Variants in LMTK2 observed in about 807,000 individuals in gnomAD.
The protein encoded by LMTK2 is lemur tail kinase 2.
Under a neutral mutation model 127.5 loss-of-function variants are expected in LMTK2, and 37 were observed. The observed-to-expected ratio is 0.29, with a 90% confidence interval of 0.22 to 0.38. LMTK2 has a LOEUF of 0.38. Among genes scored for constraint, LMTK2 ranks in the 10% least tolerant of loss-of-function variants. The pLI is 1.00. For missense variants in LMTK2, 1,694 were observed against 1,920.3 expected (o/e 0.88, Z 2.20); for synonymous variants, 819 against 810.1 (o/e 1.01, Z -0.19).
chr7:98,137,234 T>G lies in LMTK2; in HGVS notation c.104-81T>G, dbSNP rs770102289. On this transcript the variant is annotated intron_variant, in intron 1 of 13. Coordinates refer to ENST00000297293, the MANE Select transcript of LMTK2 (RefSeq NM_014916.4). ...ATTAACCCTTACACCCATTTGTATG[T>G]AGAGGAAAATATATTGATTCACTAA... The G allele has an allele frequency of 6.1e-4, 822 of 1,351,938 alleles. 3 individuals are homozygous for G. Among genetic ancestry groups the G allele is most frequent in the Middle Eastern group, 9.4e-4 (4 of 4,268 alleles). 83.7% of individuals were successfully genotyped at this position (1,351,938 alleles called of 1,614,324 possible). A position where few individuals can be genotyped will look rare whatever the true frequency, so the allele number is the denominator to read the frequency against.
At chr7:98,201,915 T>C (rs1028389562) in intron 11 of LMTK2, among the ~76,000 whole-genome samples, 2 of 152,212 alleles carry the variant, frequency 1.3e-5, no homozygotes, top group African/African-American at 4.8e-5. Flanking sequence ...TGGCCCAATT[T>C]CTTTGTATTT....
In LMTK2 at chr7:98,174,095, A is replaced by T. The variant is rs561889621; in HGVS notation, c.791+2421A>T. On this transcript the variant is annotated intron_variant, in intron 7 of 13. Transcript: ENST00000297293. ...CCTTGAAACCATTGACAGCTGTTTC[A>T]TTTTGTTGTAAAAAAAAAAAAAAAA... is the stretch of plus-strand genomic sequence containing the variant. 6.5e-4 allele frequency among the ~76,000 whole-genome samples: 71 copies of T among 109,022 alleles called. 1 individual carries two copies. Among genetic ancestry groups the T allele is most frequent in the East Asian group, 5.0e-3 (21 of 4,210 alleles). The allele number at this position is 109,022 out of a possible 152,430, so 71.5% of individuals were successfully genotyped here. A position where few individuals can be genotyped will look rare whatever the true frequency, so the allele number is the denominator to read the frequency against.
At position 98,193,048 on chromosome 7, in the gene LMTK2, C is replaced by T. The variant is rs775851160; in HGVS notation, c.2583C>T (p.Asp861=). The part of the protein sequence containing the change: ...EDCLHQDISP[D]AVTVPVEILS... ...GTCTCCACCAGGACATCAGTCCAGA[C>T]GCTGTGACTGTCCCGGTTGAAATTC... The change falls in exon 11 of 14, where the codon GAC becomes GAT. Residue 861 remains aspartate (D), a synonymous_variant. Transcript: ENST00000297293. The surrounding 1 kb of genome is among the most constrained non-coding windows in gnomAD (Gnocchi z 4.1). 22 of 1,613,842 alleles carry T rather than the reference C, an allele frequency of 1.4e-5. No homozygotes were observed. Among genetic ancestry groups the T allele is most frequent in the East Asian group, 4.5e-5 (2 of 44,882 alleles).
intron 5 of LMTK2, among the ~76,000 whole-genome samples, chr7:98,156,299 A>C (rs1221980756): frequency 6.6e-6 from 1 of 152,154 alleles, no homozygotes; most frequent in African/African-American, 2.4e-5. Context: ...CCCCGTCTCT[A>C]CTAAAAATAC....
chr7:98,169,789 G>T (rs1797157644), intron 6 of LMTK2, among the ~76,000 whole-genome samples: 2 of 152,014 alleles, frequency 1.3e-5, no homozygotes. Flanking sequence ...TGAATGGAGG[G>T]GCATATGTTT....
intron 7 of LMTK2, among the ~76,000 whole-genome samples, chr7:98,180,912 C>T (rs554519570): frequency 1.2e-4 from 19 of 152,080 alleles, no homozygotes; most frequent in Non-Finnish European, 2.5e-4. Context: ...CAGCTGGTTC[C>T]GGTTCCGTGA....
Position 98,203,627 on chromosome 7 carries a change from C to T in LMTK2, c.4161C>T (p.Asp1387=), listed in dbSNP as rs751779855. Residue 1387 remains aspartate (D), a synonymous_variant, in exon 12 of 14, where the codon GAC becomes GAT. Transcript: ENST00000297293. ...GTGGAGGAGAGGCGTGCGGCCCGGA[C>T]CTGAGCGGCCCAGCCCCAGCCTCAG... ...GPCGGEACGP[D]LSGPAPASGS... The T allele has an allele frequency of 6.2e-7, 1 of 1,613,018 alleles. No individual in the cohort carries two copies. The highest frequency in any genetic ancestry group is 1.1e-5 in the South Asian group (1 of 91,038).
At chr7:98,172,541 A>G (rs183098637) in intron 7 of LMTK2, among the ~76,000 whole-genome samples, 75 of 152,196 alleles carry the variant, frequency 4.9e-4, no homozygotes, top group African/African-American at 1.6e-3. Flanking sequence ...CCAAAAGGAG[A>G]TTTCTGCTTA....
At position 98,193,826 on chromosome 7, in the gene LMTK2, C is replaced by T; in HGVS notation, c.3361C>T (p.Pro1121Ser). 1.9e-6 allele frequency: 3 copies of T among 1,614,016 alleles called. No individual in the cohort carries two copies. Among genetic ancestry groups the T allele is most frequent in the Non-Finnish European group, 2.5e-6 (3 of 1,180,024 alleles). ...GCCCGAGAAAAGGTCTGAGGAGGTCCCGGGAACCTCCCCATCCGCCTTGGT... is the reference window on the plus strand; with the variant it reads ...GCCCGAGAAAAGGTCTGAGGAGGTCTCGGGAACCTCCCCATCCGCCTTGGT... ...SEPEKRSEEVPGTSPSALVLV... is the reference protein window; with the variant it reads ...SEPEKRSEEVSGTSPSALVLV... The change falls in exon 11 of 14, where the codon CCG becomes TCG. Residue 1121 changes from proline (P) to serine (S), a missense_variant. Around this residue, in one of 8 missense-constraint regions of LMTK2, gnomAD observed 554 missense variants for 567.7 expected, o/e 0.98. Transcript: ENST00000297293. The surrounding 1 kb of genome is among the most constrained non-coding windows in gnomAD (Gnocchi z 4.1).
chr7:98,180,236 T>C (rs1257500289), intron 7 of LMTK2, among the ~76,000 whole-genome samples: 1 of 152,380 alleles, frequency 6.6e-6, no homozygotes, highest in East Asian at 1.9e-4. Flanking sequence ...CATGTGAGCT[T>C]TGGAAATTAA....
intron 9 of LMTK2, among the ~76,000 whole-genome samples, chr7:98,187,595 TTTG>T (rs201762640): frequency 6.6e-6 from 1 of 151,808 alleles, no homozygotes; most frequent in East Asian, 1.9e-4. Flanking sequence ...TATATATGTT[TTTG>T]TTGTTGTTGT....
chr7:98,126,354 T>C (rs965800530), intron 1 of LMTK2, among the ~76,000 whole-genome samples: 1 of 152,160 alleles, frequency 6.6e-6, no homozygotes, highest in Non-Finnish European at 1.5e-5. Flanking sequence ...GGTTGTGGGG[T>C]TGAGCCCTGG....
intron 1 of LMTK2, among the ~76,000 whole-genome samples, chr7:98,134,019 G>C (rs1796562871): frequency 6.6e-6 from 1 of 152,288 alleles, no homozygotes; most frequent in South Asian, 2.1e-4. Flanking sequence ...AAAGGACAGT[G>C]GGCTGTTTTT....
intron 2 of LMTK2, 149 bp downstream of exon 2, chr7:98,137,591 A>G (rs1796613236): frequency 9.0e-6 from 6 of 664,600 alleles, no homozygotes; most frequent in Non-Finnish European, 1.4e-5. Context: ...ACCTTAGTGA[A>G]TAGTAAATAT....
intron 2 of LMTK2, among the ~76,000 whole-genome samples, chr7:98,137,772 C>A (rs1375286740): frequency 6.6e-6 from 1 of 152,202 alleles, no homozygotes; most frequent in Non-Finnish European, 1.5e-5. Context: ...AACCACTTGC[C>A]TGTGGTGAGT....
chr7:98,164,900 T>C lies in LMTK2; in HGVS notation c.657+5475T>C, dbSNP rs555029329. Among the ~76,000 whole-genome samples the C allele has an allele frequency of 2.6e-5, 4 of 152,378 alleles. No homozygotes were observed. The East Asian group carries it at 5.8e-4, about 22-fold the overall frequency. On this transcript the variant is annotated intron_variant, in intron 6 of 13. Coordinates refer to ENST00000297293, the MANE Select transcript of LMTK2 (RefSeq NM_014916.4). ...CACCTGGCCCCGGAGCAGATGATAC[T>C]GTGTTCTTGAATGTTGTATCCTGAG...
At chr7:98,131,689 C>T (rs1004866292) in intron 1 of LMTK2, among the ~76,000 whole-genome samples, 5 of 152,060 alleles carry the variant, frequency 3.3e-5, no homozygotes, top group South Asian at 4.1e-4. Flanking sequence ...ATTAAAAATA[C>T]GATTTAAAAA....
chr7:98,150,113 G>T (rs897237759), intron 3 of LMTK2, among the ~76,000 whole-genome samples: 1 of 152,004 alleles, frequency 6.6e-6, no homozygotes, highest in Non-Finnish European at 1.5e-5. Flanking sequence ...TTTGAGACCA[G>T]CCTGGTCAAT....
At chr7:98,117,121 A>G (rs61312480) in intron 1 of LMTK2, among the ~76,000 whole-genome samples, 8,630 of 152,136 alleles carry the variant, frequency 0.057, 611 homozygotes, top group East Asian at 0.34. Context: ...TCCCCTCCCC[A>G]TGGTGTACGA....
Sources: allele counts gnomAD v4.1 joint callset (sites outside exome capture counted in the v4.1 genomes callset), GRCh38; gene constraint gnomAD v4.1.1; regional missense constraint gnomAD v4.1.1; non-coding constraint Gnocchi (gnomAD v3.1); transcripts MANE v1.5; gene names NCBI Gene and HGNC (gene_info 2026-07-23, HGNC 2026-07-21).